CALN1: variants seen among roughly 807,000 people sequenced by gnomAD.
CALN1 encodes calneuron 1.
CALN1 carries 17 observed loss-of-function variants against 30.6 expected under a neutral mutation model. That is an observed-to-expected ratio of 0.56 (90% CI 0.38 to 0.83). CALN1 has a LOEUF of 0.83. CALN1 is among the 40% of genes least tolerant of loss of function. CALN1 has a pLI of 0.00. For synonymous variants in CALN1, 156 were observed against 131.4 expected (o/e 1.19, Z -1.28); for missense variants, 291 against 354.9 (o/e 0.82, Z 1.45).
At chr7:72,201,035 G>A (rs970134373) in intron 3 of CALN1, among the ~76,000 whole-genome samples, 3 of 152,170 alleles carry the variant, frequency 2.0e-5, no homozygotes, top group Admixed American at 2.0e-4. Flanking sequence ...CAACCTAGGT[G>A]CCCATCAACA....
chr7:72,237,598 T>G (rs778867964), intron 3 of CALN1, among the ~76,000 whole-genome samples: 1 of 152,184 alleles, frequency 6.6e-6, no homozygotes, highest in Non-Finnish European at 1.5e-5. Flanking sequence ...CACTGCCTGT[T>G]AGAGCATTTC....
chr7:72,442,297 C>T (rs1808372526), intron 1 of CALN1, among the ~76,000 whole-genome samples: 1 of 152,216 alleles, frequency 6.6e-6, no homozygotes, highest in Admixed American at 6.5e-5. Flanking sequence ...CTCCTCTGCT[C>T]AGAGCCCAGC....
chr7:72,355,815 T>C (rs1475143217), intron 2 of CALN1, among the ~76,000 whole-genome samples: 1 of 152,178 alleles, frequency 6.6e-6, no homozygotes. Context: ...GGGCACAGTT[T>C]AGGTTGAAGG....
intron 5 of CALN1, among the ~76,000 whole-genome samples, chr7:71,898,702 C>A (rs1793683191): frequency 6.6e-6 from 1 of 152,132 alleles, no homozygotes; most frequent in African/African-American, 2.4e-5. Flanking sequence ...AATGCAAAGA[C>A]ATAGCAAAAA....
chr7:71,948,886 T>C (rs1241942333), intron 5 of CALN1, among the ~76,000 whole-genome samples: 1 of 149,158 alleles, frequency 6.7e-6, no homozygotes, highest in Non-Finnish European at 1.5e-5. Context: ...TACAAACAAA[T>C]TTAAAAAATA....
At chr7:72,183,009 C>G (rs1239296924) in intron 3 of CALN1, among the ~76,000 whole-genome samples, 1 of 152,052 alleles carries the variant, frequency 6.6e-6, no homozygotes, top group Non-Finnish European at 1.5e-5. Context: ...AGTTGTCAAG[C>G]AAAAGTAATA....
At chr7:71,950,668 T>C (rs1301122987) in intron 5 of CALN1, among the ~76,000 whole-genome samples, 2 of 152,022 alleles carry the variant, frequency 1.3e-5, no homozygotes, top group Non-Finnish European at 2.9e-5. Flanking sequence ...AAACTGTAAA[T>C]CCAGTCAGAA....
intron 5 of CALN1, among the ~76,000 whole-genome samples, chr7:71,855,687 A>G (rs907377510): frequency 6.6e-6 from 1 of 152,150 alleles, no homozygotes; most frequent in South Asian, 2.1e-4. Context: ...GTCTTGCTGT[A>G]GCTTTGGTGA....
chr7:71,957,665 G>A (rs6957010), intron 5 of CALN1, among the ~76,000 whole-genome samples: 29,791 of 152,036 alleles, frequency 0.2, 3,093 homozygotes, highest in Middle Eastern at 0.29. Flanking sequence ...GTGATTCTCC[G>A]GATTTTTTGT....
At chr7:72,439,269 C>G (rs1808271782) in intron 1 of CALN1, among the ~76,000 whole-genome samples, 1 of 152,122 alleles carries the variant, frequency 6.6e-6, no homozygotes, top group African/African-American at 2.4e-5. Context: ...TGAGCTCATG[C>G]AATCCTCCTA....
At chr7:72,157,103 C>T (rs749809510) in intron 3 of CALN1, among the ~76,000 whole-genome samples, 7 of 152,214 alleles carry the variant, frequency 4.6e-5, no homozygotes, top group Admixed American at 2.0e-4. Flanking sequence ...ACAAACCAAT[C>T]GGTTGAGCCC....
chr7:72,216,754 T>A (rs985438507), intron 3 of CALN1, among the ~76,000 whole-genome samples: 1 of 152,152 alleles, frequency 6.6e-6, no homozygotes, highest in Non-Finnish European at 1.5e-5. Flanking sequence ...CTTCACAGCA[T>A]TGTTTTTTGG....
intron 5 of CALN1, among the ~76,000 whole-genome samples, chr7:72,013,143 C>T (rs1480363948): frequency 6.6e-6 from 1 of 152,072 alleles, no homozygotes; most frequent in African/African-American, 2.4e-5. Flanking sequence ...TTACCATAAC[C>T]ATGGGCGTGT....
intron 2 of CALN1, among the ~76,000 whole-genome samples, chr7:72,331,315 A>T (rs1388498516): frequency 1.3e-5 from 2 of 152,052 alleles, no homozygotes; most frequent in Non-Finnish European, 2.9e-5. Context: ...ACGCCACTGC[A>T]CTCCAGCCTG....
At chr7:72,226,385 C>T (rs1323503364) in intron 3 of CALN1, among the ~76,000 whole-genome samples, 2 of 151,840 alleles carry the variant, frequency 1.3e-5, no homozygotes, top group Non-Finnish European at 2.9e-5. Flanking sequence ...CATAATGACC[C>T]AATGCATAGT....
chr7:72,341,430 C>T (rs1802379317), intron 2 of CALN1, among the ~76,000 whole-genome samples: 1 of 152,118 alleles, frequency 6.6e-6, no homozygotes, highest in Non-Finnish European at 1.5e-5. Flanking sequence ...GGCTGAGGCA[C>T]AAGAATCGCT....
intron 4 of CALN1, among the ~76,000 whole-genome samples, chr7:72,043,121 G>T (rs780968908): frequency 2.0e-5 from 3 of 152,184 alleles, no homozygotes; most frequent in Non-Finnish European, 4.4e-5. Context: ...TTCCAGATCT[G>T]GGATGTTTAA....
At chr7:72,069,640 C>T (rs1251184310) in intron 4 of CALN1, among the ~76,000 whole-genome samples, 1 of 152,076 alleles carries the variant, frequency 6.6e-6, no homozygotes, top group East Asian at 1.9e-4. Flanking sequence ...TTAGAACCCA[C>T]CCTGATTATC....
At chr7:72,182,628 G>A (rs1052884460) in intron 3 of CALN1, among the ~76,000 whole-genome samples, 4 of 152,046 alleles carry the variant, frequency 2.6e-5, no homozygotes, top group African/African-American at 7.2e-5. Flanking sequence ...GCTGAGGCGG[G>A]AGAATGGCTT....
Sources: gnomAD v4.1 joint callset for allele counts (sites outside exome capture counted in the v4.1 genomes callset) on GRCh38, gnomAD v4.1.1 for gene constraint, MANE v1.5 for transcripts, NCBI Gene and HGNC (gene_info 2026-07-23, HGNC 2026-07-21) for gene names.